The following NRXN3 variants were observed in gnomAD, a reference collection of about 807,000 sequenced individuals.
NRXN3 encodes neurexin III.
In NRXN3, 32 loss-of-function variants were observed where a neutral mutation model predicts 137.6. That is an observed-to-expected ratio of 0.23 (90% CI 0.18 to 0.31). The LOEUF is 0.31. Ranked by LOEUF, NRXN3 falls within the 10% of genes least tolerant of loss-of-function variation. NRXN3 has a pLI of 1.00. For missense variants in NRXN3, 1,574 were observed against 2,062.5 expected, an observed-to-expected ratio of 0.76 and a Z score of 4.59; for synonymous variants, 798 against 784.5, an observed-to-expected ratio of 1.02 and a Z score of -0.29.
At chr14:78,355,471 A>T (rs563415194) in intron 4 of NRXN3, among the ~76,000 whole-genome samples, 1 of 152,164 alleles carries the variant, frequency 6.6e-6, no homozygotes, top group Non-Finnish European at 1.5e-5. Context: ...GCGGGAGTGC[A>T]GTGGCACAAT....
intron 16 of NRXN3, among the ~76,000 whole-genome samples, chr14:79,623,849 G>GT (rs571687023): frequency 0.074 from 7,284 of 97,908 alleles, 378 homozygotes; most frequent in African/African-American, 0.15. Context: ...CTTAGCTCCT[G>GT]TTTTTTTTTT....
chr14:78,352,218 G>C (rs1464593805), intron 4 of NRXN3, among the ~76,000 whole-genome samples: 1 of 152,068 alleles, frequency 6.6e-6, no homozygotes, highest in South Asian at 2.1e-4. Context: ...CAAGAAGTAG[G>C]GAATATGATT....
intron 4 of NRXN3, among the ~76,000 whole-genome samples, chr14:78,403,235 G>C (rs986265406): frequency 1.1e-4 from 17 of 152,328 alleles, no homozygotes; most frequent in Admixed American, 5.9e-4. Context: ...AGGGGCCCCA[G>C]GTAACTGCTG....
intron 15 of NRXN3, among the ~76,000 whole-genome samples, chr14:79,240,180 T>A (rs1322762853): frequency 6.6e-6 from 1 of 152,174 alleles, no homozygotes; most frequent in Non-Finnish European, 1.5e-5. Flanking sequence ...AATTATAGTA[T>A]GCCCAAAAAT....
intron 2 of NRXN3, among the ~76,000 whole-genome samples, chr14:78,252,077 T>C (rs1215459709): frequency 2.6e-5 from 4 of 152,188 alleles, no homozygotes; most frequent in African/African-American, 9.7e-5. Context: ...TCCCTTTAAA[T>C]GTGTCATCGT....
Position 79,393,310 on chromosome 14 carries a change from T to A in NRXN3, c.3263-73911T>A, listed in dbSNP as rs187442353. Among the ~76,000 whole-genome samples the A allele has an allele frequency of 2.7e-4, 41 of 152,214 alleles. No individual in the cohort carries two copies. In the Middle Eastern group the frequency reaches 0.01, roughly 38 times the overall value. The stretch of plus-strand genomic sequence containing the variant: ...CAGAAATAAGGAGAAGGGCAAGAAA[T>A]CTAAGCAGAATATTCCACTTGCCAT... On this transcript the variant is annotated intron_variant, in intron 15 of 20. Transcript: ENST00000335750.
chr14:78,725,685 T>C (rs2098479734), intron 8 of NRXN3, among the ~76,000 whole-genome samples: 1 of 152,194 alleles, frequency 6.6e-6, no homozygotes, highest in African/African-American at 2.4e-5. Context: ...TTAGGGATTG[T>C]GGGGGGTGAC....
chr14:78,736,805 G>T (rs112179509), intron 8 of NRXN3, among the ~76,000 whole-genome samples: 5,450 of 152,110 alleles, frequency 0.036, 278 homozygotes, highest in African/African-American at 0.1. Flanking sequence ...GCAGAATACA[G>T]TAAAATATAT....
intron 4 of NRXN3, among the ~76,000 whole-genome samples, chr14:78,551,673 T>G (rs1600334635): frequency 8.0e-6 from 1 of 125,328 alleles, no homozygotes; most frequent in South Asian, 3.1e-4. Flanking sequence ...CCCTCCCTCC[T>G]CACCTCCTCC....
chr14:78,881,359 G>C (rs1021355159), intron 10 of NRXN3, among the ~76,000 whole-genome samples: 2 of 151,654 alleles, frequency 1.3e-5, no homozygotes, highest in African/African-American at 2.4e-5. Flanking sequence ...CAGAAGAAGA[G>C]AGGAAGATGG....
intron 15 of NRXN3, among the ~76,000 whole-genome samples, chr14:79,349,226 T>C (rs753145340): frequency 1.6e-4 from 24 of 152,098 alleles, no homozygotes; most frequent in South Asian, 4.2e-4. Flanking sequence ...CATGTCCAAG[T>C]GGACATGCTA....
chr14:78,886,696 A>C (rs1033538046), intron 10 of NRXN3, among the ~76,000 whole-genome samples: 2 of 152,152 alleles, frequency 1.3e-5, no homozygotes, highest in African/African-American at 4.8e-5. Context: ...AGTCTTATGA[A>C]AGACTAAAGA....
At position 79,290,663 on chromosome 14, in the gene NRXN3, G is replaced by GAA. The variant is rs11349861; in HGVS notation, c.3263-176539_3263-176538dup. Among the ~76,000 whole-genome samples the GAA allele has an allele frequency of 2.5e-3, 269 of 106,646 alleles. 4 individuals carry two copies. In the East Asian group the frequency reaches 0.026, roughly 10 times the overall value. The allele number at this position is 106,646 out of a possible 152,430, so 70.0% of individuals were successfully genotyped here. On this transcript the variant is annotated intron_variant, in intron 15 of 20. Coordinates refer to ENST00000335750, the MANE Select transcript of NRXN3 (RefSeq NM_001330195.2). The stretch of plus-strand genomic sequence containing the variant: ...GCTGGGTTTTGCTCTGGTGGTTCCA[G>GAA]AAAAAAAAAAAAAAAAAAAATAGCC...
intron 6 of NRXN3, 121 bp from the exon 7 acceptor site, chr14:78,709,096 G>C (rs1199177041): frequency 2.5e-6 from 2 of 800,470 alleles, no homozygotes; most frequent in Non-Finnish European, 3.9e-6. Flanking sequence ...TGTTTCTCAT[G>C]TTGTTTTGGG....
At chr14:79,715,976 A>G (rs1230445438) in intron 19 of NRXN3, among the ~76,000 whole-genome samples, 2 of 152,250 alleles carry the variant, frequency 1.3e-5, no homozygotes, top group African/African-American at 2.4e-5. Flanking sequence ...GAAGCATACC[A>G]TATTCGACCA....
intron 4 of NRXN3, among the ~76,000 whole-genome samples, chr14:78,561,676 ACT>A (rs2096787733): frequency 6.6e-6 from 1 of 151,854 alleles, no homozygotes; most frequent in Non-Finnish European, 1.5e-5. Context: ...TACCTCGAAC[ACT>A]CTTCCTGGAA....
At chr14:78,817,126 G>C (rs1054084697) in intron 10 of NRXN3, among the ~76,000 whole-genome samples, 2 of 152,196 alleles carry the variant, frequency 1.3e-5, no homozygotes, top group Non-Finnish European at 2.9e-5. Flanking sequence ...TCTCAGCACA[G>C]ACAGGCATTT....
chr14:79,781,420 C>T (rs910195573), intron 19 of NRXN3, among the ~76,000 whole-genome samples: 1 of 152,198 alleles, frequency 6.6e-6, no homozygotes, highest in African/African-American at 2.4e-5. Flanking sequence ...AGAAACATAA[C>T]AAGCTAACAG....
At chr14:79,115,188 G>C (rs1159100093) in intron 15 of NRXN3, among the ~76,000 whole-genome samples, 1 of 152,026 alleles carries the variant, frequency 6.6e-6, no homozygotes, top group African/African-American at 2.4e-5. Flanking sequence ...AGACAGACGT[G>C]GTGGCACATG....
Sources: allele counts gnomAD v4.1 joint callset (sites outside exome capture counted in the v4.1 genomes callset), GRCh38; gene constraint gnomAD v4.1.1; transcripts MANE v1.5; gene names NCBI Gene and HGNC (gene_info 2026-07-23, HGNC 2026-07-21).